Variants in TG observed in about 807,000 individuals in gnomAD.
The protein encoded by TG is thyroid hormones.
A neutral mutation model predicts 324.7 loss-of-function variants in TG; 270 were observed. That is an observed-to-expected ratio of 0.83 (90% CI 0.75 to 0.92). The LOEUF is 0.92. TG is among the 40% of genes least tolerant of loss of function. The pLI, the probability that TG is intolerant of heterozygous loss-of-function variation, is 0.00. For synonymous variants in TG, 1,401 were observed against 1,327.0 expected, an observed-to-expected ratio of 1.06 and a Z score of -1.21; for missense variants, 3,591 against 3,456.4, an observed-to-expected ratio of 1.04 and a Z score of -0.98.
chr8:133,091,540 G>A (rs1847528826), intron 41 of TG, among the ~76,000 whole-genome samples: 1 of 152,112 alleles, frequency 6.6e-6, no homozygotes, highest in Non-Finnish European at 1.5e-5. Flanking sequence ...AAATGCTGCA[G>A]GGTCCATTTC....
At chr8:132,903,534 T>C (rs577940739) in intron 16 of TG, among the ~76,000 whole-genome samples, 1 of 152,326 alleles carries the variant, frequency 6.6e-6, no homozygotes, top group African/African-American at 2.4e-5. Flanking sequence ...TTGCCCAGGT[T>C]TCCTGAGAGT....
chr8:132,894,967 A>T (rs1010172227), intron 11 of TG, among the ~76,000 whole-genome samples: 2 of 152,206 alleles, frequency 1.3e-5, no homozygotes, highest in African/African-American at 4.8e-5. Context: ...CTGGATGGGA[A>T]GCCCAGAGAC....
rs1222695752 is a variant in TG, at chr8:132,908,321, GCGGCTT to G, written c.3985_3990del (p.Gly1329_Phe1330del). The G allele has an allele frequency of 6.2e-7, 1 of 1,611,934 alleles. No individual in the cohort carries two copies. The highest frequency in any genetic ancestry group is 8.5e-7 in the Non-Finnish European group (1 of 1,179,296). On this transcript the variant is annotated inframe_deletion, in exon 18 of 48. Transcript: ENST00000220616. ...TTCATATTGGATGAGCTGACAGCCC[GCGGCTT>G]CTGCCAGATCCAGGTACATGCCTGG...
intron 29 of TG, chr8:132,964,926 G>A (rs1828325700): frequency 1.4e-6 from 1 of 702,412 alleles, no homozygotes; most frequent in Admixed American, 2.0e-5. Context: ...TCTGCCAGAT[G>A]CTCCCAGGTA....
rs1381073379 is a variant in TG, at chr8:133,019,627, A to G, written c.6808A>G (p.Arg2270Gly). 2 of 1,613,784 alleles carry G rather than the reference A, an allele frequency of 1.2e-6. No individual in the cohort carries two copies. Among genetic ancestry groups the G allele is most frequent in the Admixed American group, 1.7e-5 (1 of 59,986 alleles). The change falls in exon 39 of 48, where the codon AGA becomes GGA. Residue 2270 changes from arginine to glycine, a missense_variant. Transcript: ENST00000220616. ...PRASCWQPGT[R>G]TSTSPGVSED... ...GGCCAGCTGCTGGCAGCCAGGCACC[A>G]GAACATCCACGTCTCCTGGAGTCAG... is the stretch of plus-strand genomic sequence containing the variant.
chr8:133,002,968 C>T, intron 35 of TG: 1 of 1,019,176 alleles, frequency 9.8e-7, no homozygotes, highest in Non-Finnish European at 1.2e-6. Context: ...TACCATATCA[C>T]CTTTCTTACA....
intron 34 of TG, among the ~76,000 whole-genome samples, chr8:132,975,591 G>A (rs570995389): frequency 2.0e-5 from 3 of 152,210 alleles, no homozygotes; most frequent in Non-Finnish European, 4.4e-5. Flanking sequence ...TTGACTGAGC[G>A]TTAATCATAC....
At chr8:133,093,279 T>A (rs746099085) in intron 41 of TG, among the ~76,000 whole-genome samples, 12 of 152,204 alleles carry the variant, frequency 7.9e-5, no homozygotes, top group Non-Finnish European at 1.6e-4. Flanking sequence ...GGTCATTGAA[T>A]TCCAGGCCTT....
At chr8:132,959,156 C>A (rs773069390) in intron 27 of TG, among the ~76,000 whole-genome samples, 1 of 152,178 alleles carries the variant, frequency 6.6e-6, no homozygotes, top group East Asian at 1.9e-4. Context: ...TTTTGTCTCA[C>A]CTTTGTGTCC....
At chr8:132,975,405 C>A (rs1022582311) in intron 34 of TG, among the ~76,000 whole-genome samples, 11 of 152,212 alleles carry the variant, frequency 7.2e-5, no homozygotes, top group Non-Finnish European at 1.6e-4. Context: ...AATCAAGGTA[C>A]TCATTGTCCC....
intron 41 of TG, among the ~76,000 whole-genome samples, chr8:133,071,630 A>G (rs2703003): frequency 0.39 from 58,929 of 151,640 alleles, 11,932 homozygotes; most frequent in Non-Finnish European, 0.46. Context: ...CTTGGATGGC[A>G]TGCAGCGGGG....
chr8:132,886,728 G>T lies in TG; in HGVS notation c.1356G>T (p.Gly452=), dbSNP rs1327226224. The T allele has an allele frequency of 1.9e-6, 3 of 1,614,058 alleles. No homozygotes were observed. The highest frequency in any genetic ancestry group is 2.5e-6 in the Non-Finnish European group (3 of 1,180,042). ...TCCGAGCAATTTTTCCCTCCCGAGG[G>T]CTGGCTCGTCTTGCCCTTCAGTTTA... The part of the protein sequence containing the change: ...EAIRAIFPSR[G]LARLALQFTT... The change falls in exon 9 of 48, where the codon GGG becomes GGT. Residue 452 remains glycine, a synonymous_variant. Transcript: ENST00000220616.
At chr8:132,916,290 A>G (rs1281366514) in intron 20 of TG, among the ~76,000 whole-genome samples, 3 of 152,086 alleles carry the variant, frequency 2.0e-5, no homozygotes, top group African/African-American at 7.2e-5. Context: ...CACTTAGTAA[A>G]CTCTTGGCGA....
In TG at chr8:132,867,066, C is replaced by T. The variant is rs143647619; in HGVS notation, c.66C>T (p.Phe22=). ...TCTGCTGGGTGTCGGCCAATATCTT[C>T]GGTAAGTTCTGAGGCCATGGAGCCA... The part of the protein sequence containing the change: ...ASICWVSANI[F]EYQVDAQPLR... The change falls in exon 1 of 48, where the codon TTC becomes TTT. Residue 22 remains phenylalanine (F), a splice_region_variant and synonymous_variant. Transcript: ENST00000220616. 19 of 1,597,364 alleles carry T rather than the reference C, an allele frequency of 1.2e-5. No individual in the cohort carries two copies. Among genetic ancestry groups the T allele is most frequent in the African/African-American group, 2.7e-5 (2 of 74,630 alleles).
chr8:133,123,424 T>TAC (rs1196472342), intron 45 of TG, among the ~76,000 whole-genome samples: 1 of 152,140 alleles, frequency 6.6e-6, no homozygotes, highest in Admixed American at 6.5e-5. Context: ...CTCCCGGGTC[T>TAC]GAGGCCCTGG....
chr8:132,998,810 T>C (rs1833146061), intron 35 of TG, among the ~76,000 whole-genome samples: 1 of 152,052 alleles, frequency 6.6e-6, no homozygotes, highest in Non-Finnish European at 1.5e-5. Context: ...ATGGAGGCAG[T>C]TGGCTGGAAT....
At chr8:133,117,380 C>T (rs1230158258) in intron 45 of TG, among the ~76,000 whole-genome samples, 1 of 152,182 alleles carries the variant, frequency 6.6e-6, no homozygotes, top group Non-Finnish European at 1.5e-5. Flanking sequence ...CAGGGACGCA[C>T]GTGATCTCAG....
At chr8:132,951,112 C>T (rs555821461) in intron 27 of TG, among the ~76,000 whole-genome samples, 2 of 152,118 alleles carry the variant, frequency 1.3e-5, no homozygotes, top group Non-Finnish European at 2.9e-5. Context: ...AGCAGAGTTC[C>T]TGATCTGTGG....
chr8:132,968,791 C>G (rs60703852), intron 31 of TG, among the ~76,000 whole-genome samples: 9 of 152,254 alleles, frequency 5.9e-5, no homozygotes, highest in South Asian at 2.1e-4. Context: ...CCTTGGGGCA[C>G]GAACCTGGCT....
Sources: gnomAD v4.1 joint callset for allele counts (sites outside exome capture counted in the v4.1 genomes callset) on GRCh38, gnomAD v4.1.1 for gene constraint, MANE v1.5 for transcripts, NCBI Gene and HGNC (gene_info 2026-07-23, HGNC 2026-07-21) for gene names.